PLXNA4: variants seen among roughly 807,000 people sequenced by gnomAD.
PLXNA4 encodes the protein plexin-A4.
PLXNA4 carries 44 observed loss-of-function variants against 191.8 expected under a neutral mutation model. The ratio of observed to expected loss-of-function variants is 0.23; its 90% CI spans 0.18 to 0.29. The LOEUF is 0.29. PLXNA4 is among the 10% of genes least tolerant of loss of function. The probability of loss-of-function intolerance (pLI) is 1.00; values close to 1 mark genes in which losing one functional copy is unlikely to be tolerated. For missense variants in PLXNA4, 1,800 were observed against 2,488.8 expected (o/e 0.72, Z 5.89); for synonymous variants, 1,082 against 1,009.5 (o/e 1.07, Z -1.36).
chr7:132,443,564 T>G (rs1268988793), intron 3 of PLXNA4, among the ~76,000 whole-genome samples: 1 of 152,220 alleles, frequency 6.6e-6, no homozygotes, highest in East Asian at 1.9e-4. Flanking sequence ...TCCTGGCACG[T>G]GCTCAGTCAA....
intron 27 of PLXNA4, among the ~76,000 whole-genome samples, chr7:132,147,013 T>A (rs985834642): frequency 6.6e-6 from 1 of 152,328 alleles, no homozygotes; most frequent in Admixed American, 6.5e-5. Flanking sequence ...TGCTTTTCCT[T>A]GTAAGAGTTC....
intron 3 of PLXNA4, among the ~76,000 whole-genome samples, chr7:132,435,570 T>G (rs959109083): frequency 6.6e-6 from 1 of 150,810 alleles, no homozygotes; most frequent in African/African-American, 2.4e-5. Context: ...CAATGAGGAG[T>G]GTTGAAGAAA....
chr7:132,164,636 A>G (rs1481111082), intron 23 of PLXNA4, among the ~76,000 whole-genome samples: 1 of 151,858 alleles, frequency 6.6e-6, no homozygotes, highest in Non-Finnish European at 1.5e-5. Flanking sequence ...CCCCATCCAA[A>G]GGCAGAGGTC....
At chr7:132,486,718 A>G (rs1380782333) in intron 3 of PLXNA4, among the ~76,000 whole-genome samples, 10 of 152,214 alleles carry the variant, frequency 6.6e-5, no homozygotes, top group African/African-American at 2.4e-4. Context: ...GCTGAAACAG[A>G]ACTGTTCTTA....
At chr7:132,214,598 A>T (rs1318338377) in intron 9 of PLXNA4, among the ~76,000 whole-genome samples, 8 of 151,904 alleles carry the variant, frequency 5.3e-5, no homozygotes, top group Admixed American at 5.2e-4. Flanking sequence ...CCGCGCTGAG[A>T]TTCCAGATGC....
At position 132,168,420 on chromosome 7, in the gene PLXNA4, G is replaced by A; in HGVS notation, c.4170C>T (p.Ile1390=). 6.2e-7 allele frequency: 1 copy of A among 1,614,064 alleles called. No individual in the cohort carries two copies. Among genetic ancestry groups the A allele is most frequent in the Non-Finnish European group, 8.5e-7 (1 of 1,179,930 alleles). The change falls in exon 22 of 32, where the codon ATC becomes ATT. Residue 1390 remains isoleucine, a synonymous_variant. Transcript: ENST00000321063. The part of the protein sequence containing the change: ...MRDRGNVASL[I]MTVLQSKLEY... ...CCAGCTTGCTCTGCAGCACGGTCAT[G>A]ATGAGTGAGGCCACGTTGCCACGGT... is the stretch of plus-strand genomic sequence containing the variant.
chr7:132,154,340 G>T (rs1283385371), intron 25 of PLXNA4, among the ~76,000 whole-genome samples: 7 of 152,008 alleles, frequency 4.6e-5, no homozygotes, highest in Non-Finnish European at 1.0e-4. Context: ...GCCAAGAGAA[G>T]ATCAGAGTGT....
chr7:132,300,606 T>G (rs1801268075), intron 3 of PLXNA4, among the ~76,000 whole-genome samples: 1 of 152,196 alleles, frequency 6.6e-6, no homozygotes, highest in Non-Finnish European at 1.5e-5. Flanking sequence ...CCACCAGATG[T>G]CCATGCTGGC....
intron 3 of PLXNA4, among the ~76,000 whole-genome samples, chr7:132,409,511 C>T (rs1399276382): frequency 3.9e-5 from 6 of 152,278 alleles, no homozygotes; most frequent in South Asian, 2.1e-4. Flanking sequence ...GTCCCTCCTT[C>T]GATCATCCCA....
At chr7:132,630,394 G>T (rs1024412919) in intron 2 of PLXNA4, among the ~76,000 whole-genome samples, 2 of 152,160 alleles carry the variant, frequency 1.3e-5, no homozygotes, top group African/African-American at 4.8e-5. Flanking sequence ...TTGCTTCTTG[G>T]TTTTTCTCCA....
intron 16 of PLXNA4, among the ~76,000 whole-genome samples, 169 bp from the exon 17 acceptor site, chr7:132,182,359 T>C (rs958505290): frequency 6.6e-6 from 1 of 152,128 alleles, no homozygotes; most frequent in Non-Finnish European, 1.5e-5. Flanking sequence ...AGGATGAGTA[T>C]CTCGGCAGCC....
At chr7:132,308,134 G>C (rs919983926) in intron 3 of PLXNA4, among the ~76,000 whole-genome samples, 3 of 152,096 alleles carry the variant, frequency 2.0e-5, no homozygotes, top group African/African-American at 4.8e-5. Context: ...GAAATAAGAA[G>C]GGAAGTCAAT....
chr7:132,475,477 A>C (rs540229738), intron 3 of PLXNA4, among the ~76,000 whole-genome samples: 29 of 152,228 alleles, frequency 1.9e-4, no homozygotes, highest in Admixed American at 8.5e-4. Context: ...TCTACCCTTG[A>C]TGCCAGGAAC....
chr7:132,353,034 G>A (rs538127692), intron 3 of PLXNA4, among the ~76,000 whole-genome samples: 4 of 152,174 alleles, frequency 2.6e-5, no homozygotes, highest in Admixed American at 1.3e-4. Flanking sequence ...ATATGTGAAC[G>A]TCGCCTGCTC....
chr7:132,359,485 G>A lies in PLXNA4; in HGVS notation c.1372-61263C>T, dbSNP rs535840584. ...GCCTGCCACGGTCTCCCAAAGTGCTGGGATTACAGGCATGAGCTACCGTGC... is the reference window on the plus strand; with the variant it reads ...GCCTGCCACGGTCTCCCAAAGTGCTAGGATTACAGGCATGAGCTACCGTGC... On this transcript the variant is annotated intron_variant, in intron 3 of 31. Transcript: ENST00000321063. Among the ~76,000 whole-genome samples, 378 of 152,188 alleles carry A rather than the reference G, an allele frequency of 2.5e-3. 2 individuals are homozygous for A. Among genetic ancestry groups the A allele is most frequent in the African/African-American group, 8.6e-3 (358 of 41,518 alleles).
intron 2 of PLXNA4, among the ~76,000 whole-genome samples, chr7:132,619,792 G>A (rs1204881694): frequency 6.6e-6 from 1 of 152,188 alleles, no homozygotes; most frequent in East Asian, 1.9e-4. Context: ...AGGACTCCTT[G>A]TTGTCCATTT....
In PLXNA4 at chr7:132,173,973, C is replaced by T. The variant is rs192651403; in HGVS notation, c.4017+805G>A. Among the ~76,000 whole-genome samples, 65 of 152,268 alleles carry T rather than the reference C, an allele frequency of 4.3e-4. No homozygotes were observed. The East Asian group carries it at 0.011, about 25-fold the overall frequency. On this transcript the variant is annotated intron_variant, in intron 21 of 31. Transcript: ENST00000321063. ...CCAGGCAACCACTGAACTCTGGCCC[C>T]TTAGTTTTGTCACCTGTATAATGGG...
upstream of PLXNA4, among the ~76,000 whole-genome samples, chr7:132,580,420 A>G (rs1293885917): frequency 6.6e-6 from 1 of 152,076 alleles, no homozygotes; most frequent in Non-Finnish European, 1.5e-5. Flanking sequence ...CCTACTGACA[A>G]TGGCTCTGTG....
chr7:132,598,087 T>C (rs1023175150), intron 2 of PLXNA4, among the ~76,000 whole-genome samples: 1 of 152,164 alleles, frequency 6.6e-6, no homozygotes, highest in African/African-American at 2.4e-5. Flanking sequence ...CTTCAGAATG[T>C]CTACGACAAA....
Sources: gnomAD v4.1 joint callset for allele counts (sites outside exome capture counted in the v4.1 genomes callset) on GRCh38, gnomAD v4.1.1 for gene constraint, MANE v1.5 for transcripts, NCBI Gene and HGNC (gene_info 2026-07-23, HGNC 2026-07-21) for gene names.